Variants in DEFB108B observed in about 807,000 individuals in gnomAD.
The protein encoded by DEFB108B is defensin beta 108B.
A neutral mutation model predicts 2.4 loss-of-function variants in DEFB108B; 3 were observed. The ratio of observed to expected loss-of-function variants is 1.25; its 90% CI spans 0.57 to 3.24. DEFB108B has a LOEUF of 3.24. DEFB108B is among the 30% of genes most tolerant of loss of function. The pLI is 0.03. For synonymous variants in DEFB108B, 25 were observed against 28.7 expected (o/e 0.87, Z 0.41); for missense variants, 101 against 87.8 (o/e 1.15, Z -0.60).
At chr11:71,836,770 G>A (rs1216371012) in intron 1 of DEFB108B, among the ~76,000 whole-genome samples, 2 of 152,072 alleles carry the variant, frequency 1.3e-5, no homozygotes, top group African/African-American at 2.4e-5. Context: ...GAAGTCTCAG[G>A]GTGTAACAAG....
intron 1 of DEFB108B, among the ~76,000 whole-genome samples, chr11:71,836,095 G>A (rs1952214913): frequency 6.6e-6 from 1 of 152,072 alleles, no homozygotes; most frequent in Non-Finnish European, 1.5e-5. Flanking sequence ...AGTGGGCTTG[G>A]GTACTACTAT....
chr11:71,835,088 A>T lies in DEFB108B; in HGVS notation c.58+1831A>T, dbSNP rs573052658. 2.6e-5 allele frequency among the ~76,000 whole-genome samples: 4 copies of T among 152,344 alleles called. No individual in the cohort carries two copies. In the East Asian group the frequency reaches 7.7e-4, roughly 29 times the overall value. ...AAGCCCTTTGTAATTTCAATTTTTTAAAATAATTTCAACCTTTATTTTAGA... is the reference window on the plus strand; with the variant it reads ...AAGCCCTTTGTAATTTCAATTTTTTTAAATAATTTCAACCTTTATTTTAGA... On this transcript the variant is annotated intron_variant, in intron 1 of 1. Coordinates refer to ENST00000328698, the MANE Select transcript of DEFB108B (RefSeq NM_001002035.2).
chr11:71,837,622 C>T lies in DEFB108B; in HGVS notation c.*60C>T, dbSNP rs1952232252. 2 of 1,560,040 alleles carry T rather than the reference C, an allele frequency of 1.3e-6. No individual in the cohort carries two copies. The highest frequency in any genetic ancestry group is 4.5e-5 in the East Asian group (2 of 44,476). ...TTTTCTCTCTCCCTCTCTCTGTCTC[C>T]CTGTCTCCCTTTCCCTCTCTCCATT... On this transcript the variant is annotated 3_prime_UTR_variant, in exon 2 of 2. Transcript: ENST00000328698.
rs530024144 is a variant in DEFB108B, at chr11:71,836,294, A to C, written c.59-1105A>C. 3.9e-5 allele frequency among the ~76,000 whole-genome samples: 6 copies of C among 152,346 alleles called. No individual in the cohort carries two copies. The East Asian group carries it at 1.2e-3, about 29-fold the overall frequency. ...ATGATATTGCATATATTTGGTCTTC[A>C]CATCAAGCCACTAACTGCTTTGTGA... On this transcript the variant is annotated intron_variant, in intron 1 of 1. Transcript: ENST00000328698.
In DEFB108B at chr11:71,837,266, T is replaced by TCACA. The variant is rs112457605; in HGVS notation, c.59-110_59-107dup. The TCACA allele has an allele frequency of 2.0e-3, 2,049 of 1,001,242 alleles. 10 individuals are homozygous for TCACA. In the South Asian group the frequency reaches 0.027, roughly 13 times the overall value. The allele number at this position is 1,001,242 out of a possible 1,614,324, so 62.0% of individuals were successfully genotyped here. A position where few individuals can be genotyped will look rare whatever the true frequency, so the allele number is the denominator to read the frequency against. ...ATTTTTAAGTGTTTAAGAAATCAAA[T>TCACA]CACACACACACACACACACACACAC... is the stretch of plus-strand genomic sequence containing the variant. On this transcript the variant is annotated intron_variant, in intron 1 of 1. Coordinates refer to ENST00000328698, the MANE Select transcript of DEFB108B (RefSeq NM_001002035.2).
At chr11:71,837,210 C>T in intron 1 of DEFB108B, 189 bp from the exon 2 acceptor site, 1 of 760,420 alleles carries the variant, frequency 1.3e-6, no homozygotes, top group East Asian at 2.8e-5. Context: ...TTCAAGAACA[C>T]CAAAAAATCC....
At chr11:71,836,210 T>G (rs1473881294) in intron 1 of DEFB108B, among the ~76,000 whole-genome samples, 1 of 152,206 alleles carries the variant, frequency 6.6e-6, no homozygotes, top group African/African-American at 2.4e-5. Context: ...CATCTAGAAT[T>G]ATCATTGTCT....
chr11:71,837,298 A>C lies in DEFB108B; in HGVS notation c.59-101A>C, dbSNP rs1270941880. 2.1e-6 allele frequency: 3 copies of C among 1,423,304 alleles called. No individual in the cohort carries two copies. In the African/African-American group the frequency reaches 4.2e-5, roughly 20 times the overall value. The allele number at this position is 1,423,304 out of a possible 1,614,324, so 88.2% of individuals were successfully genotyped here. A position where few individuals can be genotyped will look rare whatever the true frequency, so the allele number is the denominator to read the frequency against. ...CACACACACACACACACACAAATCC[A>C]CACAAGATTATTTTCAAGCACTGCC... On this transcript the variant is annotated intron_variant, in intron 1 of 1. Transcript: ENST00000328698.
intron 1 of DEFB108B, among the ~76,000 whole-genome samples, chr11:71,835,448 TG>T (rs1374509299): frequency 1.7e-4 from 26 of 152,344 alleles, no homozygotes; most frequent in African/African-American, 6.3e-4. Context: ...TAGTATTCCA[TG>T]ACATATATGT....
At chr11:71,836,533 G>C (rs374433645) in intron 1 of DEFB108B, among the ~76,000 whole-genome samples, 1 of 152,152 alleles carries the variant, frequency 6.6e-6, no homozygotes, top group Non-Finnish European at 1.5e-5. Flanking sequence ...ACATACAAAG[G>C]CTGCTCAGAA....
chr11:71,837,339 A>C, intron 1 of DEFB108B, 60 bp from the exon 2 acceptor site: 3 of 1,594,700 alleles, frequency 1.9e-6, no homozygotes, highest in Non-Finnish European at 1.7e-6. Flanking sequence ...CATCCATGTA[A>C]TTCAACACAA....
chr11:71,835,242 C>G (rs899996141), intron 1 of DEFB108B, among the ~76,000 whole-genome samples: 1 of 152,092 alleles, frequency 6.6e-6, no homozygotes, highest in African/African-American at 2.4e-5. Flanking sequence ...ACTCCCTCTC[C>G]CTCCCCTCCT....
intron 1 of DEFB108B, among the ~76,000 whole-genome samples, chr11:71,833,912 G>A (rs1952197569): frequency 6.6e-6 from 1 of 152,140 alleles, no homozygotes; most frequent in South Asian, 2.1e-4. Context: ...AAGGCCCCTT[G>A]CACAGACATG....
intron 1 of DEFB108B, chr11:71,837,072 C>G (rs1279773472): frequency 8.5e-6 from 2 of 234,594 alleles, no homozygotes; most frequent in African/African-American, 4.7e-5. Context: ...GCTGAAATCT[C>G]CCATCAGTGT....
intron 1 of DEFB108B, among the ~76,000 whole-genome samples, chr11:71,835,342 G>C (rs1279832881): frequency 1.3e-5 from 2 of 152,064 alleles, no homozygotes; most frequent in Non-Finnish European, 2.9e-5. Context: ...TGTGGTATTT[G>C]GCTTCCTGTT....
At chr11:71,834,002 T>C (rs1346335692) in intron 1 of DEFB108B, among the ~76,000 whole-genome samples, 1 of 152,222 alleles carries the variant, frequency 6.6e-6, no homozygotes, top group African/African-American at 2.4e-5. Context: ...AAAAATTTTC[T>C]GGAACTCCTG....
intron 1 of DEFB108B, 95 bp from the exon 2 acceptor site, chr11:71,837,304 G>A: frequency 7.0e-7 from 1 of 1,429,112 alleles, no homozygotes; most frequent in Admixed American, 1.8e-5. Context: ...ATCCACACAA[G>A]ATTATTTTCA....
At chr11:71,835,597 A>T (rs1274392582) in intron 1 of DEFB108B, among the ~76,000 whole-genome samples, 1 of 152,170 alleles carries the variant, frequency 6.6e-6, no homozygotes, top group African/African-American at 2.4e-5. Context: ...TTGGATATAC[A>T]CCCAGTAGTG....
intron 1 of DEFB108B, among the ~76,000 whole-genome samples, chr11:71,836,618 T>G (rs1250167924): frequency 6.6e-6 from 1 of 152,200 alleles, no homozygotes; most frequent in African/African-American, 2.4e-5. Context: ...AGGACATAAA[T>G]GAAATACTAT....
Sources: allele counts gnomAD v4.1 joint callset (sites outside exome capture counted in the v4.1 genomes callset), GRCh38; gene constraint gnomAD v4.1.1; transcripts MANE v1.5; gene names NCBI Gene and HGNC (gene_info 2026-07-23, HGNC 2026-07-21).